The following HERC2 variants were observed in gnomAD, a reference collection of about 807,000 sequenced individuals.
The protein encoded by HERC2 is E3 ubiquitin-protein ligase HERC2.
HERC2 carries 102 observed loss-of-function variants against 537.7 expected under a neutral mutation model. That is an observed-to-expected ratio of 0.19 (90% confidence interval 0.16 to 0.22). The LOEUF is 0.22. HERC2 is among the 10% of genes least tolerant of loss of function. The pLI is 1.00. For synonymous variants in HERC2, 2,224 were observed against 2,466.2 expected (o/e 0.90, Z 2.91); for missense variants, 4,236 against 6,198.2 (o/e 0.68, Z 10.63).
intron 2 of HERC2, chr15:28,312,897 G>C (rs1218692734): frequency 6.5e-6 from 1 of 154,720 alleles, no homozygotes; most frequent in African/African-American, 2.4e-5. Context: ...GGCAAGTAAA[G>C]GCACTTTCAT....
In HERC2 at chr15:28,186,656, C is replaced by G; in HGVS notation, c.8746G>C (p.Glu2916Gln). ...GGAACTGCAGCCAAATCTTCCTCTT[C>G]TGCACGGATCCGTCCCAGCAGGATG... ...GLILLGRIRA[E>Q]EEDLAAVPFL... Residue 2916 changes from glutamate to glutamine, a missense_variant, in exon 56 of 93, where the codon GAA (glutamate) becomes CAA (glutamine). Glu to Gln is a conservative substitution (Grantham distance 29). Around this residue, in one of 27 missense-constraint regions of HERC2, gnomAD observed 606 missense variants for 884.5 expected, o/e 0.69. Coordinates refer to ENST00000261609, the MANE Select transcript of HERC2 (RefSeq NM_004667.6). 6.2e-7 allele frequency: 1 copy of G among 1,614,184 alleles called. No homozygotes were observed. Among genetic ancestry groups the G allele is most frequent in the Non-Finnish European group, 8.5e-7 (1 of 1,180,008 alleles).
At chr15:28,227,468 G>GAAAAAAAAAAA (rs1220198016) in intron 35 of HERC2, among the ~76,000 whole-genome samples, 4 of 107,122 alleles carry the variant, frequency 3.7e-5, no homozygotes, top group African/African-American at 6.4e-5. Flanking sequence ...AAAAAAAAAA[G>GAAAAAAAAAAA]AAAAAAAAAA....
intron 92 of HERC2, among the ~76,000 whole-genome samples, 189 bp downstream of exon 92, chr15:28,112,882 T>C (rs1456474933): frequency 6.6e-6 from 1 of 152,188 alleles, no homozygotes; most frequent in Non-Finnish European, 1.5e-5. Flanking sequence ...AAATAGGTAA[T>C]GGTACCCAAA....
chr15:28,112,354 A>G (rs1887738229), intron 92 of HERC2, among the ~76,000 whole-genome samples: 1 of 152,188 alleles, frequency 6.6e-6, no homozygotes, highest in Admixed American at 6.5e-5. Context: ...AGAGCTCTTC[A>G]TGAGTCTACC....
chr15:28,287,387 G>A (rs1389287435), intron 4 of HERC2, among the ~76,000 whole-genome samples: 1 of 152,150 alleles, frequency 6.6e-6, no homozygotes, highest in African/African-American at 2.4e-5. Context: ...CTCTGTACCT[G>A]TGAGCAAGCA....
intron 55 of HERC2, 43 bp from the exon 56 acceptor site, chr15:28,186,795 C>A (rs779469958): frequency 2.8e-6 from 4 of 1,423,530 alleles, no homozygotes; most frequent in Non-Finnish European, 3.9e-6. Context: ...TAGAATCAAG[C>A]ATATTAGATC....
chr15:28,290,873 A>G (rs1421790954), intron 4 of HERC2, among the ~76,000 whole-genome samples: 2 of 152,246 alleles, frequency 1.3e-5, no homozygotes, highest in Non-Finnish European at 2.9e-5. Context: ...CAAAAAATCT[A>G]AAGTCAATGA....
intron 65 of HERC2, among the ~76,000 whole-genome samples, chr15:28,171,656 T>C (rs1230536574): frequency 1.3e-5 from 2 of 152,012 alleles, no homozygotes; most frequent in Non-Finnish European, 1.5e-5. Context: ...AAAAAAGCAA[T>C]TGTACTTATT....
intron 75 of HERC2, 79 bp downstream of exon 75, chr15:28,142,748 A>G: frequency 1.3e-6 from 2 of 1,517,248 alleles, no homozygotes; most frequent in South Asian, 2.4e-5. Context: ...TAAAACACAC[A>G]CACTGCACAT....
chr15:28,238,502 G>A (rs1316151767), intron 24 of HERC2, 100 bp downstream of exon 24: 2 of 925,356 alleles, frequency 2.2e-6, no homozygotes, highest in Non-Finnish European at 3.3e-6. Flanking sequence ...AATATGTGGG[G>A]GCTGGCACAA....
intron 92 of HERC2, 70 bp from the exon 93 acceptor site, chr15:28,112,105 A>C: frequency 6.9e-7 from 1 of 1,453,650 alleles, no homozygotes; most frequent in Non-Finnish European, 9.5e-7. Context: ...TGCTCATTAG[A>C]CTCTTCGTGC....
chr15:28,136,458 G>A (rs1890651045), intron 78 of HERC2, among the ~76,000 whole-genome samples: 3 of 152,254 alleles, frequency 2.0e-5, no homozygotes, highest in African/African-American at 4.8e-5. Flanking sequence ...AGGGTGCAGG[G>A]TAATGCAGCA....
At chr15:28,216,837 A>G (rs1596256723) in intron 38 of HERC2, among the ~76,000 whole-genome samples, 1 of 150,288 alleles carries the variant, frequency 6.7e-6, no homozygotes, top group Non-Finnish European at 1.5e-5. Flanking sequence ...TCTCACATAC[A>G]CTTACCCCTC....
rs369730745 is a variant in HERC2 at position 28,228,204 on chromosome 15, G to C, written c.5464+14C>G. 1 of 1,610,074 alleles carries C rather than the reference G, an allele frequency of 6.2e-7. No individual in the cohort carries two copies. The highest frequency in any genetic ancestry group is 8.5e-7 in the Non-Finnish European group (1 of 1,177,626). ...GACATTTTCCCAAAGGCGCTCAAGC[G>C]GGTGCAGACCTACCAATCAGGCGCA... is the stretch of plus-strand genomic sequence containing the variant. On this transcript the variant is annotated intron_variant, in intron 35 of 92. Transcript: ENST00000261609.
intron 2 of HERC2, among the ~76,000 whole-genome samples, chr15:28,319,257 T>C (rs909556823): frequency 8.5e-5 from 13 of 152,290 alleles, no homozygotes; most frequent in Non-Finnish European, 1.6e-4. Flanking sequence ...ATCCAAAACC[T>C]AGTCATTTCC....
intron 20 of HERC2, among the ~76,000 whole-genome samples, chr15:28,251,452 A>T (rs1392234560): frequency 2.0e-5 from 3 of 149,846 alleles, no homozygotes; most frequent in Admixed American, 2.0e-4. Context: ...CGGGGGAAAA[A>T]AATTGTCCTT....
intron 71 of HERC2, among the ~76,000 whole-genome samples, chr15:28,145,214 G>C (rs1200623100): frequency 1.3e-5 from 2 of 152,212 alleles, no homozygotes; most frequent in Non-Finnish European, 2.9e-5. Context: ...GCAGAAGGAA[G>C]AACCCTAGCT....
chr15:28,191,842 T>A, intron 53 of HERC2, 119 bp downstream of exon 53: 1 of 705,582 alleles, frequency 1.4e-6, no homozygotes, highest in Non-Finnish European at 2.3e-6. Context: ...AAACATAACG[T>A]GAGTACTGAC....
chr15:28,277,292 G>C (rs1306306363), intron 5 of HERC2, among the ~76,000 whole-genome samples: 1 of 152,002 alleles, frequency 6.6e-6, no homozygotes, highest in Non-Finnish European at 1.5e-5. Context: ...ACACACAATT[G>C]AGAGCATGTA....
Sources: allele counts gnomAD v4.1 joint callset (sites outside exome capture counted in the v4.1 genomes callset), GRCh38; gene constraint gnomAD v4.1.1; regional missense constraint gnomAD v4.1.1; transcripts MANE v1.5; gene names NCBI Gene and HGNC (gene_info 2026-07-23, HGNC 2026-07-21).